Variants in NUMB observed in about 807,000 individuals in gnomAD.
NUMB encodes the protein NUMB endocytic adaptor protein, also known as protein numb homolog.
Under a neutral mutation model 59.7 loss-of-function variants are expected in NUMB, and 29 were observed. The observed-to-expected ratio is 0.49, with a 90% CI of 0.36 to 0.66. The LOEUF (loss-of-function observed/expected upper bound fraction) is 0.66, where lower values mean the gene tolerates loss of function less well. Ranked by LOEUF, NUMB falls within the 30% of genes least tolerant of loss-of-function variation. The pLI is 0.00. For synonymous variants in NUMB, 288 were observed against 288.2 expected, an observed-to-expected ratio of 1.00 and a Z score of 0.01; for missense variants, 723 against 822.0, an observed-to-expected ratio of 0.88 and a Z score of 1.47.
chr14:73,302,098 T>TA (rs1170410950), intron 6 of NUMB, among the ~76,000 whole-genome samples: 3 of 151,642 alleles, frequency 2.0e-5, no homozygotes, highest in Non-Finnish European at 4.4e-5. Flanking sequence ...TAAAAAAAAA[T>TA]AAAAAAAATT....
Position 73,277,120 on chromosome 14 carries a change from G to A in NUMB, c.1414C>T (p.Pro472Ser). ...PLQPVLQPPP[P>S]TAISQPASPF... is the part of the protein sequence containing the mutation. Reference sequence around the variant, plus strand: ...GATGCTGGCTGGGAGATGGCAGTGGGTGGAGGAGGCTGGAGAACTGGCTGC... The same window carrying A: ...GATGCTGGCTGGGAGATGGCAGTGGATGGAGGAGGCTGGAGAACTGGCTGC... The change falls in exon 13 of 13, where the codon CCC becomes TCC. Residue 472 changes from proline to serine, a missense_variant. Physicochemically the swap from Pro to Ser is moderately conservative, Grantham distance 74. This residue lies in a region of NUMB where 406 missense variants were observed against 385.4 expected (regional missense o/e 1.05). Coordinates refer to ENST00000555238, the MANE Select transcript of NUMB (RefSeq NM_001005743.2). 1 of 1,614,118 alleles carries A rather than the reference G, an allele frequency of 6.2e-7. No individual in the cohort carries two copies. Among genetic ancestry groups the A allele is most frequent in the South Asian group, 1.1e-5 (1 of 91,086 alleles).
intron 1 of NUMB, among the ~76,000 whole-genome samples, chr14:73,446,439 C>G (rs1009002956): frequency 2.0e-5 from 3 of 151,940 alleles, no homozygotes; most frequent in Non-Finnish European, 4.4e-5. Context: ...AACCCCGTCT[C>G]TACTAAAAAA....
At chr14:73,343,896 T>C (rs956631793) in intron 4 of NUMB, among the ~76,000 whole-genome samples, 1 of 152,196 alleles carries the variant, frequency 6.6e-6, no homozygotes, top group Non-Finnish European at 1.5e-5. Flanking sequence ...ATTTTGTCTT[T>C]GTAGTAAAGC....
chr14:73,289,786 A>G (rs529430705), intron 8 of NUMB, among the ~76,000 whole-genome samples: 160 of 152,238 alleles, frequency 1.1e-3, no homozygotes, highest in Non-Finnish European at 2.1e-3. Context: ...ATGTTAAAGC[A>G]TGAAACAGGA....
chr14:73,377,704 C>T (rs61985813), intron 2 of NUMB, among the ~76,000 whole-genome samples: 5 of 151,974 alleles, frequency 3.3e-5, no homozygotes, highest in Non-Finnish European at 5.9e-5. Context: ...TGGTGGCTCA[C>T]GCCTGTAATC....
At position 73,389,288 on chromosome 14, in the gene NUMB, A is replaced by C. The variant is rs574447797; in HGVS notation, c.-101+20649T>G. Among the ~76,000 whole-genome samples, 336 of 91,302 alleles carry C rather than the reference A, an allele frequency of 3.7e-3. 6 individuals carry two copies. Among genetic ancestry groups the C allele is most frequent in the African/African-American group, 7.2e-3 (104 of 14,402 alleles). 59.9% of individuals were successfully genotyped at this position (91,302 alleles called of 152,430 possible). A position where few individuals can be genotyped will look rare whatever the true frequency, so the allele number is the denominator to read the frequency against. On this transcript the variant is annotated intron_variant, in intron 2 of 12. Transcript: ENST00000555238. ...TCCATCTCTCAAAAAAAAAAAAAAA[A>C]AAAAACAAAAACAAAAACACTGGTC...
At chr14:73,330,635 A>G (rs1425397431) in intron 4 of NUMB, among the ~76,000 whole-genome samples, 3 of 152,230 alleles carry the variant, frequency 2.0e-5, no homozygotes, top group African/African-American at 7.2e-5. Flanking sequence ...TAATACCTAC[A>G]AAGTACTTAG....
At chr14:73,374,940 C>T (rs567906320) in intron 2 of NUMB, among the ~76,000 whole-genome samples, 4 of 152,022 alleles carry the variant, frequency 2.6e-5, no homozygotes, top group African/African-American at 2.4e-5. Flanking sequence ...AGGCTGGTCT[C>T]GAACTCCTGA....
intron 4 of NUMB, among the ~76,000 whole-genome samples, chr14:73,347,113 C>A (rs1892959120): frequency 6.6e-6 from 1 of 152,094 alleles, no homozygotes; most frequent in South Asian, 2.1e-4. Flanking sequence ...CCACTTCAGC[C>A]TCCCAAGTAG....
At chr14:73,387,430 A>T (rs1473536610) in intron 2 of NUMB, among the ~76,000 whole-genome samples, 2 of 152,190 alleles carry the variant, frequency 1.3e-5, no homozygotes, top group Non-Finnish European at 2.9e-5. Flanking sequence ...AAGGATATTG[A>T]AGTGCTACAA....
At chr14:73,376,723 T>A (rs1168362738) in intron 2 of NUMB, among the ~76,000 whole-genome samples, 2 of 151,800 alleles carry the variant, frequency 1.3e-5, no homozygotes, top group Non-Finnish European at 2.9e-5. Context: ...ATAAACACAG[T>A]CAACTGGAGC....
Position 73,367,296 on chromosome 14 carries a change from T to TACAC in NUMB, c.-100-319_-100-316dup, listed in dbSNP as rs1196520524. On this transcript the variant is annotated intron_variant, in intron 2 of 12. Coordinates refer to ENST00000555238, the MANE Select transcript of NUMB (RefSeq NM_001005743.2). ...ATAAAATACTATATATATATATATATACACACACACACACACACACACACA... is the reference window on the plus strand; with the variant it reads ...ATAAAATACTATATATATATATATATACACACACACACACACACACACACACACA... Among the ~76,000 whole-genome samples the TACAC allele has an allele frequency of 1.9e-3, 224 of 120,994 alleles. 2 individuals are homozygous for TACAC. Among genetic ancestry groups the TACAC allele is most frequent in the Non-Finnish European group, 2.8e-3 (178 of 63,280 alleles). 79.4% of individuals were successfully genotyped at this position (120,994 alleles called of 152,430 possible). A position where few individuals can be genotyped will look rare whatever the true frequency, so the allele number is the denominator to read the frequency against.
chr14:73,354,163 G>A (rs1180652027), intron 4 of NUMB, among the ~76,000 whole-genome samples: 2 of 151,784 alleles, frequency 1.3e-5, no homozygotes, highest in Non-Finnish European at 2.9e-5. Flanking sequence ...TTCAATCAGT[G>A]GTACTGAGGC....
At chr14:73,382,119 A>G (rs1895270735) in intron 2 of NUMB, among the ~76,000 whole-genome samples, 1 of 152,210 alleles carries the variant, frequency 6.6e-6, no homozygotes, top group African/African-American at 2.4e-5. Flanking sequence ...ACTGAATCCC[A>G]ACATGCGGAG....
intron 3 of NUMB, among the ~76,000 whole-genome samples, chr14:73,364,787 A>G (rs1166099816): frequency 3.3e-5 from 5 of 151,890 alleles, no homozygotes; most frequent in African/African-American, 1.2e-4. Context: ...TTGTACCTCC[A>G]CACCTGCCTA....
At chr14:73,329,517 C>T (rs1891843736) in intron 4 of NUMB, among the ~76,000 whole-genome samples, 2 of 152,082 alleles carry the variant, frequency 1.3e-5, no homozygotes, top group Admixed American at 6.6e-5. Context: ...CTTCTCTTGC[C>T]CTTAAACATT....
intron 1 of NUMB, among the ~76,000 whole-genome samples, chr14:73,453,102 A>G (rs1356251631): frequency 6.6e-6 from 1 of 151,690 alleles, no homozygotes; most frequent in East Asian, 1.9e-4. Flanking sequence ...CAAGATTTCG[A>G]AGTGCACTTT....
chr14:73,451,295 G>A (rs1194171431), intron 1 of NUMB, among the ~76,000 whole-genome samples: 3 of 151,840 alleles, frequency 2.0e-5, no homozygotes, highest in Non-Finnish European at 2.9e-5. Flanking sequence ...AAACTAGCCA[G>A]GTGTGGTGGC....
chr14:73,287,039 GGT>G (rs1283620210), intron 9 of NUMB, 69 bp downstream of exon 9: 7 of 1,417,782 alleles, frequency 4.9e-6, no homozygotes, highest in Non-Finnish European at 6.0e-6. Flanking sequence ...ATTTACCCCT[GGT>G]AGCTTCAAAA....
Sources: allele counts gnomAD v4.1 joint callset (sites outside exome capture counted in the v4.1 genomes callset), GRCh38; gene constraint gnomAD v4.1.1; regional missense constraint gnomAD v4.1.1; transcripts MANE v1.5; gene names NCBI Gene and HGNC (gene_info 2026-07-23, HGNC 2026-07-21).